The following MBNL1 variants were observed in gnomAD, a reference collection of about 807,000 sequenced individuals.
MBNL1 encodes muscleblind-like protein 1.
A neutral mutation model predicts 42.2 loss-of-function variants in MBNL1; 8 were observed. That is an observed-to-expected ratio of 0.19 (90% CI 0.11 to 0.34). MBNL1 has a LOEUF of 0.34. Among genes scored for constraint, MBNL1 ranks in the 10% least tolerant of loss-of-function variants. The probability of loss-of-function intolerance (pLI) is 1.00; values close to 1 mark genes in which losing one functional copy is unlikely to be tolerated. For missense variants in MBNL1, 309 were observed against 495.3 expected (o/e 0.62, Z 3.57); for synonymous variants, 169 against 173.9 (o/e 0.97, Z 0.22).
At chr3:152,403,474 A>C (rs556756946) in intron 2 of MBNL1, among the ~76,000 whole-genome samples, 81 of 152,278 alleles carry the variant, frequency 5.3e-4, no homozygotes, top group African/African-American at 1.5e-3. Context: ...GTTTATTGTT[A>C]ATATGGATCT....
chr3:152,319,245 T>G (rs1263308296), intron 2 of MBNL1, among the ~76,000 whole-genome samples: 2 of 152,208 alleles, frequency 1.3e-5, no homozygotes, highest in Admixed American at 1.3e-4. Flanking sequence ...TGGTTTTGTT[T>G]AGCATTTAGA....
intron 2 of MBNL1, among the ~76,000 whole-genome samples, chr3:152,371,363 T>C (rs992488483): frequency 6.6e-6 from 1 of 152,188 alleles, no homozygotes; most frequent in Admixed American, 6.5e-5. Flanking sequence ...TTTGGGAGGC[T>C]GAGGCTGGCA....
At chr3:152,412,882 G>T (rs1579897537) in intron 2 of MBNL1, among the ~76,000 whole-genome samples, 1 of 152,160 alleles carries the variant, frequency 6.6e-6, no homozygotes, top group Admixed American at 6.5e-5. Flanking sequence ...TTCTCGTGGT[G>T]ACCATAACCC....
chr3:152,294,020 T>C (rs1370900606), intron 1 of MBNL1, among the ~76,000 whole-genome samples: 2 of 152,074 alleles, frequency 1.3e-5, no homozygotes, highest in African/African-American at 4.8e-5. Context: ...TTCATTCTTC[T>C]TTATCCTTTT....
chr3:152,399,283 C>T (rs532132134), intron 2 of MBNL1, among the ~76,000 whole-genome samples: 1 of 152,222 alleles, frequency 6.6e-6, no homozygotes, highest in South Asian at 2.1e-4. Flanking sequence ...CTTCCTTCAT[C>T]ATTCTTCTTC....
intron 4 of MBNL1, among the ~76,000 whole-genome samples, chr3:152,444,655 AC>A (rs1208078080): frequency 1.3e-5 from 2 of 152,206 alleles, no homozygotes; most frequent in Non-Finnish European, 2.9e-5. Flanking sequence ...CTGCTGTTTA[AC>A]CAATCTACAG....
rs776677557 is a variant in MBNL1, at chr3:152,462,919, G to C, written c.*553G>C. On this transcript the variant is annotated 3_prime_UTR_variant, in exon 10 of 10. Coordinates refer to ENST00000324210, the MANE Select transcript of MBNL1 (RefSeq NM_021038.5). ...TTTTTAATGTAATAGATTGTAAGAC[G>C]TGGTGAGGGAGGGATCTGACAGAGA... The C allele has an allele frequency of 2.0e-5, 3 of 152,512 alleles. No individual in the cohort carries two copies. The highest frequency in any genetic ancestry group is 6.6e-5 in the Admixed American group (1 of 15,254). The allele number at this position is 152,512 out of a possible 1,614,324, so 9.4% of individuals were successfully genotyped here.
chr3:152,394,760 G>T (rs1446586223), intron 2 of MBNL1, among the ~76,000 whole-genome samples: 1 of 152,212 alleles, frequency 6.6e-6, no homozygotes, highest in African/African-American at 2.4e-5. Context: ...GTCAGATGGA[G>T]CCTGACTCTG....
intron 2 of MBNL1, among the ~76,000 whole-genome samples, chr3:152,316,304 G>A (rs2071380810): frequency 6.6e-6 from 1 of 152,198 alleles, no homozygotes. Context: ...ACTCAGCGTT[G>A]AAAGTAGAGA....
chr3:152,372,754 C>T (rs1364599781), intron 2 of MBNL1, among the ~76,000 whole-genome samples: 1 of 152,208 alleles, frequency 6.6e-6, no homozygotes, highest in Admixed American at 6.5e-5. Flanking sequence ...GGAGGTGTCT[C>T]CCAGTCAGGA....
Position 152,445,559 on chromosome 3 carries a change from C to T in MBNL1, c.807+20C>T, listed in dbSNP as rs778643608. The T allele has an allele frequency of 1.2e-5, 19 of 1,593,590 alleles. No homozygotes were observed. In the Admixed American group the frequency reaches 3.2e-4, roughly 27 times the overall value. On this transcript the variant is annotated intron_variant, in intron 5 of 9. Transcript: ENST00000324210. ...GCCATGGTGAGTAGAGATATCAGCT[C>T]TCTCCTTGTTAGCAGTCAGAAAAGC...
intron 2 of MBNL1, among the ~76,000 whole-genome samples, chr3:152,410,034 T>C (rs2098528250): frequency 1.3e-5 from 2 of 152,114 alleles, no homozygotes; most frequent in Admixed American, 6.5e-5. Context: ...TTTCATTTAG[T>C]TTTATTCTTA....
chr3:152,341,491 TAAG>T (rs771886451), intron 2 of MBNL1, among the ~76,000 whole-genome samples: 9 of 152,342 alleles, frequency 5.9e-5, no homozygotes, highest in Non-Finnish European at 1.2e-4. Context: ...ATTCTCAAAA[TAAG>T]GTCTCAATCG....
rs2095083274 is a variant in MBNL1, at chr3:152,352,234, A to G, written c.174+51867A>G. 2.0e-5 allele frequency among the ~76,000 whole-genome samples: 3 copies of G among 152,334 alleles called. No individual in the cohort carries two copies. In the South Asian group the frequency reaches 6.2e-4, roughly 32 times the overall value. On this transcript the variant is annotated intron_variant, in intron 2 of 9. Transcript: ENST00000324210. The stretch of plus-strand genomic sequence containing the variant: ...ACAGTAAATTTAGGATGAGCAAAAT[A>G]TGGCCGATGACAGCTTTCATGTATT...
chr3:152,369,056 G>T (rs1013891848), intron 2 of MBNL1, among the ~76,000 whole-genome samples: 2 of 152,310 alleles, frequency 1.3e-5, no homozygotes, highest in Non-Finnish European at 2.9e-5. Context: ...TGCTGAATAG[G>T]AGTGGTAAGA....
At chr3:152,365,496 T>C (rs1044878750) in intron 2 of MBNL1, among the ~76,000 whole-genome samples, 1 of 152,142 alleles carries the variant, frequency 6.6e-6, no homozygotes, top group African/African-American at 2.4e-5. Flanking sequence ...ATGAATCTAA[T>C]TGAGCCTTTA....
chr3:152,257,318 A>C (rs182267997), intron 2 of MBNL1, among the ~76,000 whole-genome samples: 231 of 152,012 alleles, frequency 1.5e-3, no homozygotes, highest in Non-Finnish European at 2.4e-3. Flanking sequence ...TGTTGACATG[A>C]ACTAGATTCA....
chr3:152,334,982 T>A (rs981441757), intron 2 of MBNL1: 104 of 775,982 alleles, frequency 1.3e-4, no homozygotes, highest in Non-Finnish European at 1.7e-4. Context: ...ATAAGAATGC[T>A]TTGGCTAGCA....
intron 2 of MBNL1, among the ~76,000 whole-genome samples, chr3:152,377,908 G>C (rs1178023433): frequency 1.3e-5 from 2 of 152,084 alleles, no homozygotes; most frequent in South Asian, 2.1e-4. Context: ...AAAACCAATT[G>C]TTTTTCTCAT....
Sources: gnomAD v4.1 joint callset for allele counts (sites outside exome capture counted in the v4.1 genomes callset) on GRCh38, gnomAD v4.1.1 for gene constraint, MANE v1.5 for transcripts, NCBI Gene and HGNC (gene_info 2026-07-23, HGNC 2026-07-21) for gene names.